The following CDH12 variants were observed in gnomAD, a reference collection of about 807,000 sequenced individuals.
CDH12 encodes the protein cadherin 12.
Under a neutral mutation model 74.1 loss-of-function variants are expected in CDH12, and 41 were observed. The observed-to-expected ratio is 0.55, with a 90% confidence interval of 0.43 to 0.72. The LOEUF is 0.72. Among genes scored for constraint, CDH12 ranks in the 30% least tolerant of loss-of-function variants. CDH12 has a pLI of 0.00. For missense variants in CDH12, 945 were observed against 977.2 expected (o/e 0.97, Z 0.44); for synonymous variants, 399 against 355.0 (o/e 1.12, Z -1.39).
chr5:22,082,246 CCTTATT>C (rs1742786468), intron 4 of CDH12, among the ~76,000 whole-genome samples: 1 of 152,120 alleles, frequency 6.6e-6, no homozygotes, highest in Admixed American at 6.6e-5. Flanking sequence ...TATTTTCTTT[CCTTATT>C]AAGTAGAGAA....
chr5:22,564,229 C>A (rs921261917), intron 1 of CDH12, among the ~76,000 whole-genome samples: 1 of 152,194 alleles, frequency 6.6e-6, no homozygotes, highest in Admixed American at 6.5e-5. Context: ...ATCGTACATA[C>A]TTTACTGCAA....
In CDH12 at chr5:22,560,302, C is replaced by G. The variant is rs111790602; in HGVS notation, c.-522-54938G>C. 6.5e-3 allele frequency among the ~76,000 whole-genome samples: 995 copies of G among 152,280 alleles called. 9 individuals carry two copies. Among genetic ancestry groups the G allele is most frequent in the African/African-American group, 0.022 (915 of 41,552 alleles). Reference sequence around the variant, plus strand: ...ATCTCCTGCTGACCTGCTTCATCCTCCAGGCATGTGAATCATTCCTGTATC... The same window carrying G: ...ATCTCCTGCTGACCTGCTTCATCCTGCAGGCATGTGAATCATTCCTGTATC... On this transcript the variant is annotated intron_variant, in intron 1 of 14. Coordinates refer to ENST00000382254, the MANE Select transcript of CDH12 (RefSeq NM_004061.5).
intron 4 of CDH12, among the ~76,000 whole-genome samples, chr5:22,160,222 T>C (rs1282195366): frequency 6.6e-6 from 1 of 152,192 alleles, no homozygotes; most frequent in Non-Finnish European, 1.5e-5. Context: ...ACAGAAGGCT[T>C]TTCTCCTTTT....
At chr5:22,644,138 G>T (rs969414957) in intron 1 of CDH12, among the ~76,000 whole-genome samples, 1 of 151,830 alleles carries the variant, frequency 6.6e-6, no homozygotes, top group Non-Finnish European at 1.5e-5. Context: ...CCCTTAAATG[G>T]CCTTTACATG....
At chr5:22,036,738 G>C (rs527716278) in intron 5 of CDH12, among the ~76,000 whole-genome samples, 2 of 152,052 alleles carry the variant, frequency 1.3e-5, no homozygotes, top group Non-Finnish European at 2.9e-5. Context: ...TTTAATCAAG[G>C]TTTAATTGGT....
intron 1 of CDH12, among the ~76,000 whole-genome samples, chr5:22,705,499 G>GCGCACACACA (rs1554060459): frequency 7.0e-6 from 1 of 143,486 alleles, no homozygotes; most frequent in Non-Finnish European, 1.5e-5. Flanking sequence ...CAACACACAT[G>GCGCACACACA]CACACACACA....
intron 6 of CDH12, among the ~76,000 whole-genome samples, chr5:21,964,361 C>T (rs1390148061): frequency 6.6e-6 from 1 of 152,028 alleles, no homozygotes; most frequent in East Asian, 1.9e-4. Context: ...CAAGGAAGCA[C>T]TTTCCTAAAC....
intron 4 of CDH12, among the ~76,000 whole-genome samples, chr5:22,117,434 AAT>A (rs1745183246): frequency 1.8e-5 from 2 of 109,256 alleles, no homozygotes; most frequent in Middle Eastern, 4.0e-3. Flanking sequence ...TGCATATATA[AAT>A]TATATATATA....
chr5:22,749,154 G>A (rs945800687), intron 1 of CDH12, among the ~76,000 whole-genome samples: 4 of 152,230 alleles, frequency 2.6e-5, no homozygotes, highest in Non-Finnish European at 5.9e-5. Flanking sequence ...TGGCATATGA[G>A]TTGTAACGTG....
At chr5:22,753,741 T>C (rs560230719) in intron 1 of CDH12, among the ~76,000 whole-genome samples, 1 of 151,730 alleles carries the variant, frequency 6.6e-6, no homozygotes, top group East Asian at 1.9e-4. Flanking sequence ...TGTATATACA[T>C]TTGCGGTTGG....
intron 2 of CDH12, among the ~76,000 whole-genome samples, chr5:22,491,616 A>AG (rs1554044828): frequency 3.6e-5 from 1 of 27,710 alleles, no homozygotes; most frequent in Admixed American, 7.4e-4. Context: ...TGAGCAAAAA[A>AG]AAAAACAAAA....
intron 1 of CDH12, among the ~76,000 whole-genome samples, chr5:22,789,467 T>A (rs1482064821): frequency 6.6e-6 from 1 of 152,066 alleles, no homozygotes; most frequent in Admixed American, 6.5e-5. Flanking sequence ...ATAATAAAAC[T>A]TATTATAAGC....
At chr5:22,348,235 G>A (rs553125611) in intron 3 of CDH12, among the ~76,000 whole-genome samples, 1 of 152,186 alleles carries the variant, frequency 6.6e-6, no homozygotes, top group Non-Finnish European at 1.5e-5. Context: ...AACCGTTAGA[G>A]CTTTCTTTAA....
chr5:22,299,415 A>G (rs900272423), intron 3 of CDH12, among the ~76,000 whole-genome samples: 4 of 152,340 alleles, frequency 2.6e-5, no homozygotes, highest in Middle Eastern at 3.4e-3. Context: ...GGAGTACTCA[A>G]GCTACTTGCA....
chr5:21,811,766 C>T (rs940645942), intron 9 of CDH12, among the ~76,000 whole-genome samples: 1 of 109,812 alleles, frequency 9.1e-6, no homozygotes, highest in Admixed American at 1.1e-4. Flanking sequence ...GGAATAAAAG[C>T]AGTTTTTATT....
intron 1 of CDH12, among the ~76,000 whole-genome samples, chr5:22,607,989 C>T (rs2171389): frequency 0.56 from 85,144 of 152,132 alleles, 24,168 homozygotes; most frequent in East Asian, 0.68. Flanking sequence ...GGAGAACCTC[C>T]GCTAGAGTAG....
intron 1 of CDH12, among the ~76,000 whole-genome samples, chr5:22,685,230 C>A (rs941434309): frequency 1.5e-4 from 23 of 152,144 alleles, no homozygotes; most frequent in African/African-American, 5.1e-4. Flanking sequence ...GTCACCTCAA[C>A]CCATATTCAT....
At chr5:22,632,834 T>C (rs1235943378) in intron 1 of CDH12, among the ~76,000 whole-genome samples, 3 of 149,702 alleles carry the variant, frequency 2.0e-5, no homozygotes, top group East Asian at 2.0e-4. Context: ...AAATTCAAAA[T>C]AGGATAAACT....
chr5:22,191,634 G>T (rs1487974665), intron 4 of CDH12, among the ~76,000 whole-genome samples: 1 of 47,886 alleles, frequency 2.1e-5, no homozygotes, highest in African/African-American at 5.6e-5. Context: ...GCGGGATCTC[G>T]GCTCACTGCA....
Sources: allele counts gnomAD v4.1 joint callset (sites outside exome capture counted in the v4.1 genomes callset), GRCh38; gene constraint gnomAD v4.1.1; transcripts MANE v1.5; gene names NCBI Gene and HGNC (gene_info 2026-07-23, HGNC 2026-07-21).